Variants in PLCG2 observed in about 807,000 individuals in gnomAD.
PLCG2 encodes phospholipase C gamma 2.
In PLCG2, 69 loss-of-function variants were observed where a neutral mutation model predicts 175.6. That is an observed-to-expected ratio of 0.39 (90% CI 0.32 to 0.48). The LOEUF is 0.48. Ranked by LOEUF, PLCG2 falls within the 20% of genes least tolerant of loss-of-function variation. PLCG2 has a pLI of 0.91. For missense variants in PLCG2, 1,798 were observed against 1,650.9 expected (o/e 1.09, Z -1.54); for synonymous variants, 827 against 624.0 (o/e 1.33, Z -4.85).
At chr16:81,947,481 T>C (rs1567546026) in intron 31 of PLCG2, among the ~76,000 whole-genome samples, 1 of 152,200 alleles carries the variant, frequency 6.6e-6, no homozygotes, top group Non-Finnish European at 1.5e-5. Flanking sequence ...TCGGTAGACC[T>C]GGGCTTTCTC....
chr16:81,810,045 T>G (rs927350223), intron 2 of PLCG2, among the ~76,000 whole-genome samples: 1 of 151,920 alleles, frequency 6.6e-6, no homozygotes, highest in Non-Finnish European at 1.5e-5. Context: ...AGGCTGGAGT[T>G]CAGTGGCGTG....
intron 2 of PLCG2, among the ~76,000 whole-genome samples, chr16:81,759,486 A>G (rs1315707220): frequency 6.6e-6 from 1 of 152,200 alleles, no homozygotes; most frequent in African/African-American, 2.4e-5. Flanking sequence ...CACAGATTCA[A>G]TGAGTCTCCC....
chr16:81,919,790 T>C, intron 20 of PLCG2, 126 bp downstream of exon 20: 1 of 744,910 alleles, frequency 1.3e-6, no homozygotes, highest in Non-Finnish European at 2.2e-6. Context: ...GTCCTGGGGA[T>C]ACAAATTGAG....
intron 30 of PLCG2, among the ~76,000 whole-genome samples, chr16:81,945,939 G>C (rs1445269363): frequency 1.3e-5 from 2 of 152,154 alleles, no homozygotes; most frequent in Non-Finnish European, 2.9e-5. Context: ...TTTATTTCTA[G>C]ATGGTAGATA....
chr16:81,748,547 G>A (rs576033136), intron 1 of PLCG2, among the ~76,000 whole-genome samples: 1 of 152,164 alleles, frequency 6.6e-6, no homozygotes, highest in African/African-American at 2.4e-5. Context: ...ACTGGTTTGG[G>A]GGAGGGGACA....
chr16:81,949,645 G>T (rs947718825), intron 31 of PLCG2, among the ~76,000 whole-genome samples: 1 of 152,200 alleles, frequency 6.6e-6, no homozygotes, highest in Non-Finnish European at 1.5e-5. Context: ...TAGATAGGGA[G>T]GTGAAGAGAG....
At chr16:81,859,992 G>A (rs183743773) in intron 5 of PLCG2, among the ~76,000 whole-genome samples, 47 of 151,856 alleles carry the variant, frequency 3.1e-4, no homozygotes, top group Middle Eastern at 3.4e-3. Context: ...TTTTTTAGAG[G>A]CAGGGTCTCT....
intron 5 of PLCG2, among the ~76,000 whole-genome samples, chr16:81,866,278 G>C (rs1371018065): frequency 7.4e-6 from 1 of 134,772 alleles, no homozygotes; most frequent in Admixed American, 7.2e-5. Flanking sequence ...AGCATGAGAG[G>C]ATGCTAGCCT....
At chr16:81,886,324 C>A (rs757896811) in intron 9 of PLCG2, among the ~76,000 whole-genome samples, 2 of 152,212 alleles carry the variant, frequency 1.3e-5, no homozygotes, top group Non-Finnish European at 2.9e-5. Context: ...AGGACCCGAG[C>A]AGCCATGAGC....
chr16:81,854,584 G>C lies in PLCG2; in HGVS notation c.334G>C (p.Ala112Pro). The change falls in exon 3 of 33, where the codon GCA becomes CCA. Residue 112 changes from alanine (A) to proline (P), a missense_variant. Ala to Pro is a conservative substitution (Grantham distance 27). Transcript: ENST00000564138. ...TQFVLSTLSL[A>P]ADSKEDAVNW... ...GTTCGTCCTCAGCACGCTCAGCTTG[G>C]CAGGTAGGTGCATGTTTCTGTGCCT... is the stretch of plus-strand genomic sequence containing the variant. The C allele has an allele frequency of 6.2e-7, 1 of 1,613,540 alleles. No individual in the cohort carries two copies. Among genetic ancestry groups the C allele is most frequent in the Non-Finnish European group, 8.5e-7 (1 of 1,179,538 alleles).
At chr16:81,862,696 C>T (rs1175105052) in intron 5 of PLCG2, among the ~76,000 whole-genome samples, 1 of 151,938 alleles carries the variant, frequency 6.6e-6, no homozygotes, top group Non-Finnish European at 1.5e-5. Context: ...ATGGGGAAAC[C>T]CTGTCTATAC....
rs539074651 is a variant in PLCG2 at position 81,783,473 on chromosome 16, C to T, written c.-47-2470C>T. 1.1e-3 allele frequency among the ~76,000 whole-genome samples: 171 copies of T among 152,258 alleles called. 1 individual carries two copies. Among genetic ancestry groups the T allele is most frequent in the Admixed American group, 2.0e-3 (31 of 15,298 alleles). ...GTCCCTTAACCTCTTTTGAGAGTGG[C>T]AAGTACTGGCAAATCAGTTAATATC... On this transcript the variant is annotated intron_variant, in intron 1 of 32. Transcript: ENST00000564138.
intron 3 of PLCG2, among the ~76,000 whole-genome samples, chr16:81,856,312 T>C (rs1418461559): frequency 6.6e-6 from 1 of 152,198 alleles, no homozygotes; most frequent in African/African-American, 2.4e-5. Context: ...AGCTTCATTT[T>C]ACAGGTGAGA....
chr16:81,905,504 C>G lies in PLCG2; in HGVS notation c.1464C>G (p.Asp488Glu). The G allele has an allele frequency of 5.0e-6, 8 of 1,612,040 alleles. No homozygotes were observed. Among genetic ancestry groups the G allele is most frequent in the Non-Finnish European group, 6.8e-6 (8 of 1,178,102 alleles). The stretch of plus-strand genomic sequence containing the variant: ...AGCTGTACATGTGGGATTCCATTGA[C>G]CAGGTGGGCCTTGGTCCCTTCCCGT... ...QGELYMWDSI[D>E]QKWTRHYCAI... is the part of the protein sequence containing the mutation. Residue 488 changes from aspartate (D) to glutamate (E), a missense_variant, in exon 15 of 33, where the codon GAC becomes GAG. Physicochemically the swap from Asp to Glu is conservative, Grantham distance 45. Transcript: ENST00000564138.
intron 14 of PLCG2, among the ~76,000 whole-genome samples, chr16:81,903,404 G>T (rs1259427181): frequency 2.6e-5 from 4 of 152,226 alleles, no homozygotes; most frequent in Non-Finnish European, 5.9e-5. Flanking sequence ...TGCCCCCATG[G>T]GTAAGAGCAT....
chr16:81,954,260 A>G (rs1034799758), intron 31 of PLCG2, among the ~76,000 whole-genome samples: 11 of 152,100 alleles, frequency 7.2e-5, no homozygotes, highest in African/African-American at 2.7e-4. Flanking sequence ...TGGTCAAGCA[A>G]TCCTCCCACC....
At chr16:81,905,605 C>G (rs573429233) in intron 15 of PLCG2, 98 bp downstream of exon 15, 1 of 730,500 alleles carries the variant, frequency 1.4e-6, no homozygotes, top group Non-Finnish European at 2.4e-6. Flanking sequence ...CTGTCTTGTT[C>G]CCATTTTTAG....
chr16:81,851,243 C>A (rs548535409), intron 2 of PLCG2, among the ~76,000 whole-genome samples: 2 of 152,352 alleles, frequency 1.3e-5, no homozygotes, highest in East Asian at 3.9e-4. Context: ...GTGAACCATT[C>A]ATTTAGCTGC....
intron 30 of PLCG2, among the ~76,000 whole-genome samples, chr16:81,945,659 C>T (rs1911121244): frequency 6.6e-6 from 1 of 152,132 alleles, no homozygotes; most frequent in Non-Finnish European, 1.5e-5. Flanking sequence ...AAGACAGGTC[C>T]TAATTGTAAA....
Sources: gnomAD v4.1 joint callset for allele counts (sites outside exome capture counted in the v4.1 genomes callset) on GRCh38, gnomAD v4.1.1 for gene constraint, MANE v1.5 for transcripts, NCBI Gene and HGNC (gene_info 2026-07-23, HGNC 2026-07-21) for gene names.